Variants in GRM5 observed in about 807,000 individuals in gnomAD.
GRM5 encodes the protein metabotropic glutamate receptor 5.
A neutral mutation model predicts 83.1 loss-of-function variants in GRM5; 19 were observed. The observed-to-expected ratio is 0.23, with a 90% CI of 0.16 to 0.34. The LOEUF is 0.34. Ranked by LOEUF, GRM5 falls within the 10% of genes least tolerant of loss-of-function variation. GRM5 has a pLI of 1.00. For synonymous variants in GRM5, 675 were observed against 633.6 expected (o/e 1.07, Z -0.98); for missense variants, 1,160 against 1,588.3 (o/e 0.73, Z 4.58).
At chr11:88,868,077 A>G (rs1198031235) in intron 2 of GRM5, among the ~76,000 whole-genome samples, 1 of 151,954 alleles carries the variant, frequency 6.6e-6, no homozygotes, top group African/African-American at 2.4e-5. Context: ...ACATGACCTT[A>G]GACAAGTTAT....
Position 88,837,955 on chromosome 11 carries a change from G to A in GRM5, c.911+11951C>T, listed in dbSNP as rs191088832. Among the ~76,000 whole-genome samples, 1,306 of 151,468 alleles carry A rather than the reference G, an allele frequency of 8.6e-3. 17 individuals carry two copies. The highest frequency in any genetic ancestry group is 0.029 in the African/African-American group (1,218 of 41,324). On this transcript the variant is annotated intron_variant, in intron 3 of 9. Coordinates refer to ENST00000305447, the MANE Select transcript of GRM5 (RefSeq NM_001143831.3). ...AAAAAATTAGCCAGGCGTGGTGGCG[G>A]GTGCCTGTAGTCCCAGCTACTTGGG...
chr11:88,727,152 G>GGTCTCC (rs2135402242), intron 3 of GRM5, among the ~76,000 whole-genome samples: 1 of 152,274 alleles, frequency 6.6e-6, no homozygotes, highest in African/African-American at 2.4e-5. Flanking sequence ...CCCATCTCAT[G>GGTCTCC]TGCAAAGACG....
intron 3 of GRM5, among the ~76,000 whole-genome samples, chr11:88,765,217 C>T (rs1315798842): frequency 6.6e-6 from 1 of 150,950 alleles, no homozygotes; most frequent in Non-Finnish European, 1.5e-5. Flanking sequence ...CAAAATGTCT[C>T]CCAAAAAAGA....
intron 3 of GRM5, among the ~76,000 whole-genome samples, chr11:88,677,887 C>A (rs189429993): frequency 6.6e-6 from 1 of 152,102 alleles, no homozygotes; most frequent in African/African-American, 2.4e-5. Flanking sequence ...TACCACAATA[C>A]ATGGAATGCT....
Position 88,651,351 on chromosome 11 carries a change from G to A in GRM5, c.1147+1817C>T, listed in dbSNP as rs76195879. Among the ~76,000 whole-genome samples the A allele has an allele frequency of 4.9e-3, 740 of 151,950 alleles. 4 individuals are homozygous for A. The highest frequency in any genetic ancestry group is 0.014 in the African/African-American group (597 of 41,470). On this transcript the variant is annotated intron_variant, in intron 4 of 9. Transcript: ENST00000305447. ...CTGGAAAAATTCCCTTAAATATACC[G>A]GTTAGTGTTGTCACTAATTCCTCAT...
chr11:89,000,730 T>C (rs994679386), intron 2 of GRM5, among the ~76,000 whole-genome samples: 1 of 152,046 alleles, frequency 6.6e-6, no homozygotes, highest in African/African-American at 2.4e-5. Context: ...AACTGCTCTG[T>C]ACAAGACCCT....
intron 1 of GRM5, among the ~76,000 whole-genome samples, chr11:89,062,748 G>T (rs1459863224): frequency 6.6e-6 from 1 of 152,224 alleles, no homozygotes; most frequent in Non-Finnish European, 1.5e-5. Context: ...GAGCCCTCCA[G>T]GTGGACCTGT....
chr11:88,550,204 C>T (rs548164571), intron 8 of GRM5, among the ~76,000 whole-genome samples: 5 of 152,060 alleles, frequency 3.3e-5, no homozygotes, highest in Non-Finnish European at 5.9e-5. Flanking sequence ...GTATTTTCTT[C>T]TAATGATCTG....
chr11:88,948,066 G>A (rs1434310507), intron 2 of GRM5, among the ~76,000 whole-genome samples: 2 of 152,108 alleles, frequency 1.3e-5, no homozygotes, highest in Non-Finnish European at 2.9e-5. Flanking sequence ...GAGGAGAAGG[G>A]AGGGGAGCTT....
intron 7 of GRM5, among the ~76,000 whole-genome samples, chr11:88,579,052 A>G (rs377000300): frequency 6.6e-6 from 1 of 152,120 alleles, no homozygotes; most frequent in African/African-American, 2.4e-5. Flanking sequence ...GATATTTTCA[A>G]TTTTCAAACT....
At chr11:88,720,662 A>G (rs1017620683) in intron 3 of GRM5, among the ~76,000 whole-genome samples, 3 of 152,126 alleles carry the variant, frequency 2.0e-5, no homozygotes, top group African/African-American at 2.4e-5. Context: ...TCCAAAATGA[A>G]CACATTTTAG....
At chr11:88,865,930 G>A (rs575862310) in intron 2 of GRM5, among the ~76,000 whole-genome samples, 17 of 152,216 alleles carry the variant, frequency 1.1e-4, no homozygotes, top group Middle Eastern at 6.8e-3. Flanking sequence ...AGGATGTGGA[G>A]AAATAGGAAC....
intron 1 of GRM5, among the ~76,000 whole-genome samples, chr11:89,063,936 G>T (rs982506169): frequency 2.4e-4 from 36 of 152,042 alleles, no homozygotes; most frequent in African/African-American, 8.5e-4. Context: ...TCAGCACCTG[G>T]GATACAAATC....
At chr11:88,885,034 C>T (rs996956219) in intron 2 of GRM5, among the ~76,000 whole-genome samples, 6 of 152,096 alleles carry the variant, frequency 3.9e-5, no homozygotes, top group Non-Finnish European at 7.4e-5. Flanking sequence ...CTGAATTACT[C>T]ATTCCTAAGA....
intron 4 of GRM5, among the ~76,000 whole-genome samples, chr11:88,633,866 A>G (rs1939047909): frequency 6.6e-6 from 1 of 152,156 alleles, no homozygotes; most frequent in Non-Finnish European, 1.5e-5. Flanking sequence ...TACATCACTT[A>G]ATGACAAGGA....
At chr11:89,032,858 A>T (rs1188647376) in intron 2 of GRM5, among the ~76,000 whole-genome samples, 1 of 152,076 alleles carries the variant, frequency 6.6e-6, no homozygotes, top group Non-Finnish European at 1.5e-5. Flanking sequence ...TCCCTTCCAG[A>T]TCTGAAACTT....
intron 2 of GRM5, among the ~76,000 whole-genome samples, chr11:89,014,914 T>C (rs368357953): frequency 5.3e-5 from 8 of 152,356 alleles, no homozygotes; most frequent in African/African-American, 1.9e-4. Flanking sequence ...CTTGTGGGCA[T>C]AGTGCCCACT....
chr11:88,797,377 T>A (rs926287269), intron 3 of GRM5, among the ~76,000 whole-genome samples: 1 of 152,160 alleles, frequency 6.6e-6, no homozygotes, highest in Non-Finnish European at 1.5e-5. Context: ...CCTGACCTCC[T>A]GATCCATCCG....
At chr11:88,591,781 T>C (rs113036600) in intron 6 of GRM5, among the ~76,000 whole-genome samples, 7 of 152,326 alleles carry the variant, frequency 4.6e-5, no homozygotes, top group African/African-American at 1.7e-4. Context: ...CAAAAGGGCC[T>C]GAAATAGCTT....
Sources: gnomAD v4.1 joint callset for allele counts (sites outside exome capture counted in the v4.1 genomes callset) on GRCh38, gnomAD v4.1.1 for gene constraint, MANE v1.5 for transcripts, NCBI Gene and HGNC (gene_info 2026-07-23, HGNC 2026-07-21) for gene names.